LRRN1: variants seen among roughly 807,000 people sequenced by gnomAD.
LRRN1 encodes leucine rich repeat neuronal 1, also known as leucine-rich repeat neuronal protein 1.
LRRN1 carries 14 observed loss-of-function variants against 45.8 expected under a neutral mutation model. That is an observed-to-expected ratio of 0.31 (90% CI 0.20 to 0.48). LRRN1 has a LOEUF of 0.48. LRRN1 is among the 20% of genes least tolerant of loss of function. The pLI, the probability that LRRN1 is intolerant of heterozygous loss-of-function variation, is 0.99. For synonymous variants in LRRN1, 359 were observed against 330.1 expected (o/e 1.09, Z -0.95); for missense variants, 789 against 874.2 (o/e 0.90, Z 1.23).
chr3:3,843,320 T>C lies in LRRN1; in HGVS notation c.-278-1044T>C, dbSNP rs1693685183. Among the ~76,000 whole-genome samples the C allele has an allele frequency of 6.6e-5, 10 of 152,220 alleles. No homozygotes were observed. In the South Asian group the frequency reaches 2.1e-3, roughly 32 times the overall value. On this transcript the variant is annotated intron_variant, in intron 1 of 1. Transcript: ENST00000319331. Reference sequence around the variant, plus strand: ...GATACAAATACATCTATTGTGTATGTTTGTGTTTTTAATGGAGACCAATGG... The same window carrying C: ...GATACAAATACATCTATTGTGTATGCTTGTGTTTTTAATGGAGACCAATGG...
intron 1 of LRRN1, among the ~76,000 whole-genome samples, chr3:3,815,554 C>T (rs1045783170): frequency 6.6e-6 from 1 of 152,154 alleles, no homozygotes; most frequent in East Asian, 1.9e-4. Context: ...ATTTTTGAGA[C>T]TTGAAAACGC....
At chr3:3,800,139 CAAAA>C (rs5846290) in intron 1 of LRRN1, among the ~76,000 whole-genome samples, 23 of 103,922 alleles carry the variant, frequency 2.2e-4, no homozygotes, top group Admixed American at 6.6e-4. Context: ...TCCCCCTTGC[CAAAA>C]AAAAAAAAAA....
In LRRN1 at chr3:3,842,838, G is replaced by C. The variant is rs73806442; in HGVS notation, c.-278-1526G>C. On this transcript the variant is annotated intron_variant, in intron 1 of 1. Transcript: ENST00000319331. ...CAAGACAAACACTGGATCCATAATG[G>C]CTTTTTACACCTGATTGGAATGCAG... Among the ~76,000 whole-genome samples the C allele has an allele frequency of 4.6e-3, 696 of 152,254 alleles. 9 individuals carry two copies. Among genetic ancestry groups the C allele is most frequent in the African/African-American group, 0.016 (650 of 41,546 alleles).
At chr3:3,824,963 G>C (rs1057062089) in intron 1 of LRRN1, among the ~76,000 whole-genome samples, 6 of 152,112 alleles carry the variant, frequency 3.9e-5, no homozygotes, top group Non-Finnish European at 8.8e-5. Flanking sequence ...TTGCGCATCT[G>C]TATATTTCAC....
At chr3:3,834,280 T>C (rs1693436066) in intron 1 of LRRN1, among the ~76,000 whole-genome samples, 1 of 151,920 alleles carries the variant, frequency 6.6e-6, no homozygotes, top group Admixed American at 6.6e-5. Flanking sequence ...TTACAAGCAG[T>C]GAATCAGGAG....
chr3:3,825,878 A>G (rs1010113162), intron 1 of LRRN1, among the ~76,000 whole-genome samples: 2 of 152,204 alleles, frequency 1.3e-5, no homozygotes, highest in Admixed American at 6.5e-5. Context: ...TAATATTTGA[A>G]AATTTATATC....
rs71040093 is a variant in LRRN1, at chr3:3,834,525, GATATATATATATAT to G, written c.-278-9824_-278-9811del. 1.1e-3 allele frequency among the ~76,000 whole-genome samples: 30 copies of G among 27,328 alleles called. 1 individual carries two copies. The South Asian group carries it at 0.011, about 10-fold the overall frequency. The allele number at this position is 27,328 out of a possible 152,430, so 17.9% of individuals were successfully genotyped here. On this transcript the variant is annotated intron_variant, in intron 1 of 1. Coordinates refer to ENST00000319331, the MANE Select transcript of LRRN1 (RefSeq NM_020873.7). ...GCGTTCTCTTAGAGGGACAGAACAG[GATATATATATATAT>G]ATATATATATATATGATATATATAT...
chr3:3,804,567 T>C (rs768505731), intron 1 of LRRN1, among the ~76,000 whole-genome samples: 5 of 152,178 alleles, frequency 3.3e-5, no homozygotes, highest in Non-Finnish European at 7.3e-5. Flanking sequence ...GCTTTTAGAG[T>C]GGCTTATTGC....
In LRRN1 at chr3:3,844,776, C is replaced by T; in HGVS notation, c.135C>T (p.Thr45=). 6.2e-7 allele frequency: 1 copy of T among 1,614,074 alleles called. No homozygotes were observed. The highest frequency in any genetic ancestry group is 8.5e-7 in the Non-Finnish European group (1 of 1,180,000). Reference sequence around the variant, plus strand: ...TATGTGAAATTCGTCCCTGGTTTACCCCACAGTCAACTTACAGAGAAGCCA... The same window carrying T: ...TATGTGAAATTCGTCCCTGGTTTACTCCACAGTCAACTTACAGAGAAGCCA... ...LCVCEIRPWF[T]PQSTYREATT... is the part of the protein sequence containing the mutation. The change falls in exon 2 of 2, where the codon ACC becomes ACT. Residue 45 remains threonine, a synonymous_variant. Transcript: ENST00000319331.
At chr3:3,805,583 A>T (rs2106449926) in intron 1 of LRRN1, among the ~76,000 whole-genome samples, 1 of 152,292 alleles carries the variant, frequency 6.6e-6, no homozygotes, top group East Asian at 1.9e-4. Flanking sequence ...CAGTGCGAAT[A>T]ATTTGATTTC....
At chr3:3,831,914 T>C (rs2106464228) in intron 1 of LRRN1, among the ~76,000 whole-genome samples, 1 of 152,292 alleles carries the variant, frequency 6.6e-6, no homozygotes, top group South Asian at 2.1e-4. Flanking sequence ...GGTATATTGC[T>C]GTCCTTGCCA....
At chr3:3,820,307 AC>A (rs1246026023) in intron 1 of LRRN1, among the ~76,000 whole-genome samples, 1 of 152,174 alleles carries the variant, frequency 6.6e-6, no homozygotes, top group African/African-American at 2.4e-5. Flanking sequence ...ATTTTCGAGT[AC>A]CTGCTCTAGG....
rs905967691 is a variant in LRRN1 at position 3,847,344 on chromosome 3, G to GA, written c.*554dup. 98 of 165,170 alleles carry GA rather than the reference G, an allele frequency of 5.9e-4. No individual in the cohort carries two copies. The highest frequency in any genetic ancestry group is 2.3e-3 in the African/African-American group (96 of 41,210). 10.2% of individuals were successfully genotyped at this position (165,170 alleles called of 1,614,324 possible). A position where few individuals can be genotyped will look rare whatever the true frequency, so the allele number is the denominator to read the frequency against. Reference sequence around the variant, plus strand: ...ACTGTAATGTTGTATCAACTGAATTGAATGTTTGCCTTTAAACAATGAATT... The same window carrying GA: ...ACTGTAATGTTGTATCAACTGAATTGAAATGTTTGCCTTTAAACAATGAATT... On this transcript the variant is annotated 3_prime_UTR_variant, in exon 2 of 2. Transcript: ENST00000319331.
rs184531410 is a variant in LRRN1, at chr3:3,815,703, C to T, written c.-279+15784C>T. ...TGTTTTCAAACCATGTCTTCATTAT[C>T]CTCAATTAAATGTAATTTGAAGTAA... On this transcript the variant is annotated intron_variant, in intron 1 of 1. Coordinates refer to ENST00000319331, the MANE Select transcript of LRRN1 (RefSeq NM_020873.7). Among the ~76,000 whole-genome samples, 5 of 152,200 alleles carry T rather than the reference C, an allele frequency of 3.3e-5. No individual in the cohort carries two copies. The East Asian group carries it at 9.6e-4, about 29-fold the overall frequency.
At position 3,846,718 on chromosome 3, in the gene LRRN1, G is replaced by A. The variant is rs777322365; in HGVS notation, c.2077G>A (p.Glu693Lys). 16 of 1,613,924 alleles carry A rather than the reference G, an allele frequency of 9.9e-6. No individual in the cohort carries two copies. Among genetic ancestry groups the A allele is most frequent in the East Asian group, 4.5e-5 (2 of 44,852 alleles). ...CATTAACCTCTGGGAAGGTGACAGC[G>A]AGAAAGACAAAGATGGTTCTGCAGA... ...PLINLWEGDS[E>K]KDKDGSADTK... The change falls in exon 2 of 2, where the codon GAG (glutamate) becomes AAG (lysine). Residue 693 changes from glutamate to lysine, a missense_variant. Transcript: ENST00000319331. This position sits in a 1 kb window ranked among gnomAD's most constrained non-coding sequence, Gnocchi z 5.7.
chr3:3,836,959 T>C (rs1693532577), intron 1 of LRRN1, among the ~76,000 whole-genome samples: 1 of 152,154 alleles, frequency 6.6e-6, no homozygotes, highest in African/African-American at 2.4e-5. Context: ...CCAGTGCCCC[T>C]TTTTTCTTGG....
chr3:3,818,600 G>C (rs1369859627), intron 1 of LRRN1, among the ~76,000 whole-genome samples: 2 of 152,180 alleles, frequency 1.3e-5, no homozygotes, highest in African/African-American at 4.8e-5. Context: ...AGAATCTTGG[G>C]TTTAAAAGGG....
At chr3:3,812,458 T>A (rs9859489) in intron 1 of LRRN1, among the ~76,000 whole-genome samples, 7,920 of 152,252 alleles carry the variant, frequency 0.052, 711 homozygotes, top group African/African-American at 0.18. Context: ...TTTGGTATGC[T>A]TGATCAACAG....
At chr3:3,813,404 A>C (rs902903883) in intron 1 of LRRN1, among the ~76,000 whole-genome samples, 5 of 152,210 alleles carry the variant, frequency 3.3e-5, no homozygotes, top group Admixed American at 1.3e-4. Context: ...GTATTGACTT[A>C]TAAGTAAATT....
Sources: gnomAD v4.1 joint callset for allele counts (sites outside exome capture counted in the v4.1 genomes callset) on GRCh38, gnomAD v4.1.1 for gene constraint, Gnocchi (gnomAD v3.1) non-coding constraint, MANE v1.5 for transcripts, NCBI Gene and HGNC (gene_info 2026-07-23, HGNC 2026-07-21) for gene names.